The following SLC16A6 variants were observed in gnomAD, a reference collection of about 807,000 sequenced individuals.
The protein encoded by SLC16A6 is monocarboxylate transporter 7.
A neutral mutation model predicts 33.8 loss-of-function variants in SLC16A6; 15 were observed. That is an observed-to-expected ratio of 0.44 (90% CI 0.30 to 0.68). SLC16A6 has a LOEUF of 0.68. Ranked by LOEUF, SLC16A6 falls within the 30% of genes least tolerant of loss-of-function variation. SLC16A6 has a pLI of 0.10. For synonymous variants in SLC16A6, 219 were observed against 248.4 expected, an observed-to-expected ratio of 0.88 and a Z score of 1.11; for missense variants, 451 against 661.5, an observed-to-expected ratio of 0.68 and a Z score of 3.49.
rs192526836 is a variant in SLC16A6, at chr17:68,289,561, G to C, written c.-8+1525C>G. ...CTCTTCTTCTTAAAGGCGTAGCCCGGAGAACAGCTTTGACAAGTTGTTTCT... is the reference window on the plus strand; with the variant it reads ...CTCTTCTTCTTAAAGGCGTAGCCCGCAGAACAGCTTTGACAAGTTGTTTCT... On this transcript the variant is annotated intron_variant, in intron 1 of 5. Coordinates refer to ENST00000580666, the MANE Select transcript of SLC16A6 (RefSeq NM_004694.5). Among the ~76,000 whole-genome samples, 463 of 152,314 alleles carry C rather than the reference G, an allele frequency of 3.0e-3. 5 individuals are homozygous for C. Among genetic ancestry groups the C allele is most frequent in the African/African-American group, 0.01 (424 of 41,574 alleles).
chr17:68,273,408 A>T (rs1234498064), intron 3 of SLC16A6, among the ~76,000 whole-genome samples: 1 of 152,006 alleles, frequency 6.6e-6, no homozygotes, highest in East Asian at 1.9e-4. Flanking sequence ...TTTTGTAGAG[A>T]TGGAGTCTCC....
At position 68,271,219 on chromosome 17, in the gene SLC16A6, T is replaced by A. The variant is rs547684157; in HGVS notation, c.941A>T (p.Tyr314Phe). 6.2e-7 allele frequency: 1 copy of A among 1,614,086 alleles called. No individual in the cohort carries two copies. Among genetic ancestry groups the A allele is most frequent in the South Asian group, 1.1e-5 (1 of 91,078 alleles). ...ATLGFFAPSL[Y>F]IIPLGISLGI... ...CAGACTAATGCCCAGAGGAATGATGTACAAGGAAGGTGCAAAGAATCCCAG... is the reference window on the plus strand; with the variant it reads ...CAGACTAATGCCCAGAGGAATGATGAACAAGGAAGGTGCAAAGAATCCCAG... Residue 314 changes from tyrosine (Y) to phenylalanine (F), a missense_variant, in exon 5 of 6, where the codon TAC becomes TTC. Coordinates refer to ENST00000580666, the MANE Select transcript of SLC16A6 (RefSeq NM_004694.5). This position sits in a 1 kb window ranked among gnomAD's most constrained non-coding sequence, Gnocchi z 5.3.
At chr17:68,276,889 G>C (rs2075541239) in intron 2 of SLC16A6, among the ~76,000 whole-genome samples, 1 of 152,192 alleles carries the variant, frequency 6.6e-6, no homozygotes, top group Admixed American at 6.5e-5. Context: ...GTGAAGATTA[G>C]TATGTTAAAA....
At chr17:68,284,271 C>T (rs1186245490) in intron 1 of SLC16A6, among the ~76,000 whole-genome samples, 2 of 151,998 alleles carry the variant, frequency 1.3e-5, no homozygotes, top group East Asian at 1.9e-4. Flanking sequence ...TGTGGTGGCA[C>T]GTGCCTGTAG....
chr17:68,274,214 C>T, intron 2 of SLC16A6, 144 bp from the exon 3 acceptor site: 1 of 810,350 alleles, frequency 1.2e-6, no homozygotes, highest in Non-Finnish European at 1.9e-6. Flanking sequence ...GCCTGTAATC[C>T]CAGCACTTTG....
At chr17:68,272,102 T>C (rs1200434506) in intron 4 of SLC16A6, among the ~76,000 whole-genome samples, 2 of 152,022 alleles carry the variant, frequency 1.3e-5, no homozygotes, top group Non-Finnish European at 2.9e-5. Flanking sequence ...CACCTGGCCT[T>C]TTTTTGTGTG....
intron 1 of SLC16A6, among the ~76,000 whole-genome samples, chr17:68,279,366 T>C (rs1555752040): frequency 6.6e-6 from 1 of 152,144 alleles, no homozygotes. Context: ...ATTCTGATTA[T>C]GATTTGGTGT....
intron 1 of SLC16A6, among the ~76,000 whole-genome samples, chr17:68,282,779 TAA>T (rs36155626): frequency 0.011 from 597 of 53,388 alleles, 22 homozygotes; most frequent in African/African-American, 0.052. Context: ...CCATCTCTAC[TAA>T]AAAAAAAAAA....
intron 2 of SLC16A6, among the ~76,000 whole-genome samples, chr17:68,275,779 A>G (rs1555750690): frequency 6.6e-6 from 1 of 151,990 alleles, no homozygotes; most frequent in African/African-American, 2.4e-5. Flanking sequence ...CAGGAGTTAG[A>G]GACTAGCCTG....
intron 1 of SLC16A6, among the ~76,000 whole-genome samples, chr17:68,280,595 TGAAACTAAA>T (rs1555752351): frequency 6.6e-6 from 1 of 152,150 alleles, no homozygotes; most frequent in Non-Finnish European, 1.5e-5. Context: ...ATACAAACAA[TGAAACTAAA>T]TCCCCACCTT....
rs1173719303 is a variant in SLC16A6, at chr17:68,267,628, C to T, written c.*1468G>A. 2 of 152,212 alleles carry T rather than the reference C, an allele frequency of 1.3e-5. No individual in the cohort carries two copies. Among genetic ancestry groups the T allele is most frequent in the African/African-American group, 4.8e-5 (2 of 41,460 alleles). The allele number at this position is 152,212 out of a possible 1,614,324, so 9.4% of individuals were successfully genotyped here. A position where few individuals can be genotyped will look rare whatever the true frequency, so the allele number is the denominator to read the frequency against. The stretch of plus-strand genomic sequence containing the variant: ...AGATGGAGCAGCAAGCATTGACCAT[C>T]ACCTGCAGGGTGAGATTGTGGTAAA... On this transcript the variant is annotated 3_prime_UTR_variant, in exon 6 of 6. Coordinates refer to ENST00000580666, the MANE Select transcript of SLC16A6 (RefSeq NM_004694.5).
intron 1 of SLC16A6, among the ~76,000 whole-genome samples, chr17:68,287,953 T>TTCTC (rs150311794): frequency 6.8e-6 from 1 of 146,150 alleles, no homozygotes; most frequent in African/African-American, 2.5e-5. Flanking sequence ...CTCTCTCTCT[T>TTCTC]TCTCTCTCTC....
In SLC16A6 at chr17:68,269,061, A is replaced by G. The variant is rs551202519; in HGVS notation, c.*35T>C. On this transcript the variant is annotated 3_prime_UTR_variant, in exon 6 of 6. Transcript: ENST00000580666. The stretch of plus-strand genomic sequence containing the variant: ...CGTTGGGCCCACCCCATCCCTCTCC[A>G]GCCAACACAGTGGCTGTTGTTGTAA... The G allele has an allele frequency of 6.3e-7, 1 of 1,585,786 alleles. No individual in the cohort carries two copies. The highest frequency in any genetic ancestry group is 1.2e-5 in the South Asian group (1 of 86,310).
chr17:68,286,319 T>C (rs2075840991), intron 1 of SLC16A6, among the ~76,000 whole-genome samples: 1 of 152,186 alleles, frequency 6.6e-6, no homozygotes, highest in Non-Finnish European at 1.5e-5. Flanking sequence ...GTTAGAATTA[T>C]TGAATGTTAA....
chr17:68,270,640 T>G (rs2075308706), intron 5 of SLC16A6, among the ~76,000 whole-genome samples, 199 bp downstream of exon 5: 1 of 152,142 alleles, frequency 6.6e-6, no homozygotes. Context: ...CATCTGACCT[T>G]TAGCTTCAAT....
rs782672096 is a variant in SLC16A6, at chr17:68,278,283, T to C, written c.38A>G (p.Asn13Ser). ...TCCATCAGGCACTTCAGTATACACA[T>C]TGGCTTTGGAACAAAGCTTTAATTT... Reference protein sequence around the residue: ...QNKLKLCSKANVYTEVPDGGW... With the variant: ...QNKLKLCSKASVYTEVPDGGW... Residue 13 changes from asparagine (N) to serine (S), a missense_variant, in exon 2 of 6, where the codon AAT becomes AGT. By Grantham distance (46) the Asn-to-Ser change is conservative (BLOSUM62 1). This residue lies in a region of SLC16A6 where 405 missense variants were observed against 510.7 expected (regional missense o/e 0.79). Transcript: ENST00000580666. The C allele has an allele frequency of 7.6e-5, 123 of 1,613,928 alleles. 1 individual carries two copies. In the South Asian group the frequency reaches 1.2e-3, roughly 16 times the overall value.
intron 1 of SLC16A6, among the ~76,000 whole-genome samples, 200 bp from the exon 2 acceptor site, chr17:68,278,527 G>A (rs1178165111): frequency 2.0e-5 from 3 of 151,872 alleles, no homozygotes; most frequent in African/African-American, 7.3e-5. Context: ...TCAGCTCACT[G>A]CAACCTCTGC....
At chr17:68,286,878 G>A (rs1297957001) in intron 1 of SLC16A6, among the ~76,000 whole-genome samples, 1 of 152,188 alleles carries the variant, frequency 6.6e-6, no homozygotes, top group Non-Finnish European at 1.5e-5. Flanking sequence ...AACTGAGCTC[G>A]GAGAAAGTGT....
At chr17:68,276,398 G>C (rs1463611766) in intron 2 of SLC16A6, among the ~76,000 whole-genome samples, 1 of 152,150 alleles carries the variant, frequency 6.6e-6, no homozygotes, top group Non-Finnish European at 1.5e-5. Context: ...TTCCATGACA[G>C]TGTGTAAGTG....
Sources: gnomAD v4.1 joint callset for allele counts (sites outside exome capture counted in the v4.1 genomes callset) on GRCh38, gnomAD v4.1.1 for gene constraint, gnomAD v4.1.1 regional missense constraint, Gnocchi (gnomAD v3.1) non-coding constraint, MANE v1.5 for transcripts, NCBI Gene and HGNC (gene_info 2026-07-23, HGNC 2026-07-21) for gene names.